GALNT13: variants seen among roughly 807,000 people sequenced by gnomAD.
GALNT13 encodes polypeptide N-acetylgalactosaminyltransferase 13, also known as UDP-GalNAc:polypeptide N-acetylgalactosaminyltransferase 13.
Under a neutral mutation model 64.2 loss-of-function variants are expected in GALNT13, and 28 were observed. The observed-to-expected ratio is 0.44, with a 90% CI of 0.32 to 0.60. GALNT13 has a LOEUF of 0.60. Among genes scored for constraint, GALNT13 ranks in the 20% least tolerant of loss-of-function variants. GALNT13 has a pLI of 0.05. For missense variants in GALNT13, 577 were observed against 669.8 expected, an observed-to-expected ratio of 0.86 and a Z score of 1.53; for synonymous variants, 214 against 224.6, an observed-to-expected ratio of 0.95 and a Z score of 0.42.
chr2:154,179,979 A>G (rs1374109248), intron 4 of GALNT13, among the ~76,000 whole-genome samples: 1 of 152,130 alleles, frequency 6.6e-6, no homozygotes, highest in Non-Finnish European at 1.5e-5. Flanking sequence ...GCATTTTATT[A>G]TGTGCTTGGT....
the GALNT13 span, among the ~76,000 whole-genome samples, chr2:153,321,972 T>TTGTCTGTGTG: frequency 2.7e-4 from 40 of 149,206 alleles, no homozygotes; most frequent in Non-Finnish European, 5.1e-4. Context: ...GTGTGTAAAG[T>TTGTCTGTGTG]TGTGTGTGTG....
At chr2:153,234,239 G>A in the GALNT13 span, among the ~76,000 whole-genome samples, 4 of 152,132 alleles carry the variant, frequency 2.6e-5, no homozygotes, top group Non-Finnish European at 5.9e-5. Flanking sequence ...CAGGAGATAG[G>A]CACCAGCTGC....
the GALNT13 span, among the ~76,000 whole-genome samples, chr2:153,452,912 G>A: frequency 2.6e-5 from 4 of 152,092 alleles, no homozygotes; most frequent in African/African-American, 9.7e-5. Flanking sequence ...CATGGTACTG[G>A]CACAAAAATA....
the GALNT13 span, chr2:153,593,006 G>A: frequency 6.6e-6 from 1 of 152,388 alleles, no homozygotes; most frequent in East Asian, 1.9e-4. Context: ...GAGGAGCAGG[G>A]GATAAAGCGC....
chr2:153,855,619 C>T, the GALNT13 span, among the ~76,000 whole-genome samples: 7 of 152,078 alleles, frequency 4.6e-5, no homozygotes, highest in Non-Finnish European at 1.0e-4. Flanking sequence ...AAATTGTAAA[C>T]CTCATACATT....
chr2:153,447,436 T>C, the GALNT13 span, among the ~76,000 whole-genome samples: 1 of 152,140 alleles, frequency 6.6e-6, no homozygotes, highest in African/African-American at 2.4e-5. Context: ...TGATGATCAA[T>C]GTGGAAAATA....
At chr2:153,232,020 C>T in the GALNT13 span, among the ~76,000 whole-genome samples, 1 of 152,134 alleles carries the variant, frequency 6.6e-6, no homozygotes, top group African/African-American at 2.4e-5. Context: ...AATGTGAAAA[C>T]GTGCACTGAC....
At chr2:154,332,369 G>A (rs1695213045) in intron 9 of GALNT13, among the ~76,000 whole-genome samples, 1 of 151,924 alleles carries the variant, frequency 6.6e-6, no homozygotes, top group Non-Finnish European at 1.5e-5. Flanking sequence ...GAATCTCAGT[G>A]AGTCTCCTCA....
At chr2:153,303,041 A>G in the GALNT13 span, among the ~76,000 whole-genome samples, 1 of 152,106 alleles carries the variant, frequency 6.6e-6, no homozygotes, top group Non-Finnish European at 1.5e-5. Context: ...TAATAGTTCT[A>G]TACATATTTT....
chr2:153,593,811 C>T, the GALNT13 span, among the ~76,000 whole-genome samples: 1 of 152,026 alleles, frequency 6.6e-6, no homozygotes, highest in African/African-American at 2.4e-5. Flanking sequence ...CTTGATAAAC[C>T]ACTGACCCAT....
At chr2:154,228,046 A>G (rs1222540039) in intron 4 of GALNT13, among the ~76,000 whole-genome samples, 2 of 152,070 alleles carry the variant, frequency 1.3e-5, no homozygotes, top group African/African-American at 4.8e-5. Flanking sequence ...GTTCTCAAAC[A>G]GTTTGCTGGC....
intron 4 of GALNT13, among the ~76,000 whole-genome samples, chr2:154,233,467 G>A (rs1466535131): frequency 6.6e-6 from 1 of 152,114 alleles, no homozygotes; most frequent in Non-Finnish European, 1.5e-5. Flanking sequence ...TGTTTGAACA[G>A]TTTATTGTTT....
the GALNT13 span, among the ~76,000 whole-genome samples, chr2:153,411,682 C>A: frequency 6.6e-6 from 1 of 152,018 alleles, no homozygotes; most frequent in Non-Finnish European, 1.5e-5. Context: ...TAGTAGTAGC[C>A]CTTGAAAGCT....
At chr2:153,824,206 C>T in the GALNT13 span, among the ~76,000 whole-genome samples, 1 of 151,976 alleles carries the variant, frequency 6.6e-6, no homozygotes, top group South Asian at 2.1e-4. Flanking sequence ...TGTACATACT[C>T]TATACACTGT....
the GALNT13 span, among the ~76,000 whole-genome samples, chr2:153,679,565 T>C: frequency 1.3e-5 from 2 of 151,936 alleles, no homozygotes; most frequent in East Asian, 1.9e-4. Context: ...TGTCCAATTA[T>C]AGTCCTGTTA....
chr2:153,952,254 G>A (rs1692242358), intron 3 of GALNT13, among the ~76,000 whole-genome samples: 1 of 152,158 alleles, frequency 6.6e-6, no homozygotes, highest in Non-Finnish European at 1.5e-5. Context: ...CATGTGGTAG[G>A]TTTGCATGGG....
At chr2:154,056,483 C>A (rs1378306512) in intron 3 of GALNT13, among the ~76,000 whole-genome samples, 1 of 152,036 alleles carries the variant, frequency 6.6e-6, no homozygotes, top group Non-Finnish European at 1.5e-5. Context: ...AGATCAAGTG[C>A]TTTTTATAGT....
chr2:153,779,299 T>G, the GALNT13 span, among the ~76,000 whole-genome samples: 1 of 152,208 alleles, frequency 6.6e-6, no homozygotes, highest in Non-Finnish European at 1.5e-5. Flanking sequence ...GTAATTAAAG[T>G]GTGGAAAGTT....
chr2:154,071,296 G>A (rs894575080), intron 3 of GALNT13, among the ~76,000 whole-genome samples: 1 of 152,024 alleles, frequency 6.6e-6, no homozygotes, highest in Non-Finnish European at 1.5e-5. Flanking sequence ...GGGGGTTGAC[G>A]CCATTTAGAT....
Sources: allele counts gnomAD v4.1 joint callset (sites outside exome capture counted in the v4.1 genomes callset), GRCh38; gene constraint gnomAD v4.1.1; transcripts MANE v1.5; gene names NCBI Gene and HGNC (gene_info 2026-07-23, HGNC 2026-07-21).